SNX3: variants seen among roughly 807,000 people sequenced by gnomAD.
SNX3 encodes the protein sorting nexin-3.
Under a neutral mutation model 17.7 loss-of-function variants are expected in SNX3, and 5 were observed. That is an observed-to-expected ratio of 0.28 (90% CI 0.15 to 0.59). The LOEUF (loss-of-function observed/expected upper bound fraction) is 0.59, where lower values mean the gene tolerates loss of function less well. Among genes scored for constraint, SNX3 ranks in the 20% least tolerant of loss-of-function variants. SNX3 has a pLI of 0.88. For synonymous variants in SNX3, 91 were observed against 76.5 expected, an observed-to-expected ratio of 1.19 and a Z score of -0.99; for missense variants, 132 against 206.8, an observed-to-expected ratio of 0.64 and a Z score of 2.22.
intron 1 of SNX3, among the ~76,000 whole-genome samples, chr6:108,233,224 G>A (rs973344000): frequency 6.6e-6 from 1 of 152,200 alleles, no homozygotes; most frequent in African/African-American, 2.4e-5. Flanking sequence ...GGTTTTCAAT[G>A]AGTAATCTCT....
intron 2 of SNX3, among the ~76,000 whole-genome samples, chr6:108,221,840 T>G (rs1177492309): frequency 1.3e-5 from 2 of 152,226 alleles, no homozygotes; most frequent in African/African-American, 2.4e-5. Flanking sequence ...CCACTGCACC[T>G]GGCCCCTCTT....
chr6:108,212,460 C>T (rs868571701), intron 3 of SNX3, among the ~76,000 whole-genome samples: 2 of 152,014 alleles, frequency 1.3e-5, no homozygotes, highest in African/African-American at 4.8e-5. Context: ...GCCTCAGCCC[C>T]CTGAGTAGCT....
At chr6:108,218,213 G>A (rs1277391292) in intron 2 of SNX3, among the ~76,000 whole-genome samples, 1 of 152,064 alleles carries the variant, frequency 6.6e-6, no homozygotes, top group Non-Finnish European at 1.5e-5. Context: ...TGAACCCATT[G>A]AAAAAGGCAA....
chr6:108,249,784 A>G (rs1775794382), intron 1 of SNX3, among the ~76,000 whole-genome samples: 1 of 152,162 alleles, frequency 6.6e-6, no homozygotes, highest in Admixed American at 6.5e-5. Flanking sequence ...TATTTCATTC[A>G]CCACCCAACA....
At chr6:108,238,101 C>CAAAAAAAAAAAAAAAAAAA (rs11287104) in intron 1 of SNX3, among the ~76,000 whole-genome samples, 4 of 85,430 alleles carry the variant, frequency 4.7e-5, no homozygotes, top group African/African-American at 1.4e-4. Flanking sequence ...GATCCTGTCT[C>CAAAAAAAAAAAAAAAAAAA]AAAAAAAAAA....
intron 2 of SNX3, among the ~76,000 whole-genome samples, chr6:108,216,088 C>T (rs920483246): frequency 2.6e-5 from 4 of 152,076 alleles, no homozygotes; most frequent in African/African-American, 9.7e-5. Context: ...GCATTCTTTT[C>T]TTTCTTGAGA....
At chr6:108,227,640 G>C (rs1319973935) in intron 1 of SNX3, among the ~76,000 whole-genome samples, 2 of 152,150 alleles carry the variant, frequency 1.3e-5, no homozygotes, top group African/African-American at 4.8e-5. Flanking sequence ...AACTGGTTAT[G>C]ATTTCTCTTT....
At chr6:108,252,682 T>G (rs1184733898) in intron 1 of SNX3, among the ~76,000 whole-genome samples, 9 of 143,410 alleles carry the variant, frequency 6.3e-5, no homozygotes, top group African/African-American at 2.3e-4. Context: ...TCTTTTTCTC[T>G]TTTTTTTTGG....
At chr6:108,217,300 T>C (rs940251650) in intron 2 of SNX3, among the ~76,000 whole-genome samples, 1 of 152,044 alleles carries the variant, frequency 6.6e-6, no homozygotes, top group African/African-American at 2.4e-5. Context: ...TCTGTAGAGA[T>C]ACACTCTTCC....
chr6:108,247,448 G>C (rs985241514), intron 1 of SNX3, among the ~76,000 whole-genome samples: 2 of 151,828 alleles, frequency 1.3e-5, no homozygotes, highest in Non-Finnish European at 2.9e-5. Context: ...GCTTAATGTA[G>C]CCTCAACCAC....
rs1026815820 is a variant in SNX3, at chr6:108,211,667, G to A, written c.*482C>T. On this transcript the variant is annotated 3_prime_UTR_variant, in exon 4 of 4. Coordinates refer to ENST00000230085, the MANE Select transcript of SNX3 (RefSeq NM_003795.6). ...GAAGGGTATTACAAGCCTGGAGGAA[G>A]ATACTTTCTGCACACAAGTATGTAT... The A allele has an allele frequency of 1.3e-5, 2 of 152,730 alleles. No individual in the cohort carries two copies. Among genetic ancestry groups the A allele is most frequent in the Admixed American group, 6.5e-5 (1 of 15,284 alleles). 9.5% of individuals were successfully genotyped at this position (152,730 alleles called of 1,614,324 possible).
chr6:108,246,531 T>C (rs1230939005), intron 1 of SNX3, among the ~76,000 whole-genome samples: 2 of 151,442 alleles, frequency 1.3e-5, no homozygotes, highest in Admixed American at 6.6e-5. Context: ...GGTTTCACCA[T>C]GTTGGACAGG....
In SNX3 at chr6:108,212,100, G is replaced by T. The variant is rs1306776346; in HGVS notation, c.*49C>A. 6 of 962,808 alleles carry T rather than the reference G, an allele frequency of 6.2e-6. No homozygotes were observed. The highest frequency in any genetic ancestry group is 8.1e-6 in the Non-Finnish European group (5 of 614,356). 59.6% of individuals were successfully genotyped at this position (962,808 alleles called of 1,614,324 possible). A position where few individuals can be genotyped will look rare whatever the true frequency, so the allele number is the denominator to read the frequency against. On this transcript the variant is annotated 3_prime_UTR_variant, in exon 4 of 4. Coordinates refer to ENST00000230085, the MANE Select transcript of SNX3 (RefSeq NM_003795.6). ...GCTAAAAGTTAGAACTTCTTCACTG[G>T]TGCTTATCAATCATTAATAGTCACG...
intron 1 of SNX3, among the ~76,000 whole-genome samples, chr6:108,235,568 G>A (rs1775302454): frequency 6.6e-6 from 1 of 152,202 alleles, no homozygotes; most frequent in Non-Finnish European, 1.5e-5. Context: ...TGAGAAGACA[G>A]TATTTCATCT....
At chr6:108,222,678 A>G (rs1774833232) in intron 2 of SNX3, among the ~76,000 whole-genome samples, 1 of 152,208 alleles carries the variant, frequency 6.6e-6, no homozygotes, top group Non-Finnish European at 1.5e-5. Context: ...TAGGACGATG[A>G]GGGAAAGGAA....
At chr6:108,244,917 G>A (rs546103185) in intron 1 of SNX3, among the ~76,000 whole-genome samples, 1 of 152,200 alleles carries the variant, frequency 6.6e-6, no homozygotes, top group African/African-American at 2.4e-5. Flanking sequence ...TGGGGTTACA[G>A]GCATGAGCCA....
intron 3 of SNX3, among the ~76,000 whole-genome samples, chr6:108,213,831 A>G (rs2114702473): frequency 6.6e-6 from 1 of 152,272 alleles, no homozygotes; most frequent in African/African-American, 2.4e-5. Flanking sequence ...AGCTCACATT[A>G]CCATATTCTG....
At chr6:108,254,378 T>C (rs1283603531) in intron 1 of SNX3, among the ~76,000 whole-genome samples, 1 of 151,790 alleles carries the variant, frequency 6.6e-6, no homozygotes, top group African/African-American at 2.4e-5. Flanking sequence ...GTTGGGAGGG[T>C]TGCCTGAGCC....
intron 1 of SNX3, among the ~76,000 whole-genome samples, chr6:108,257,592 A>G (rs2114774848): frequency 6.6e-6 from 1 of 152,330 alleles, no homozygotes; most frequent in African/African-American, 2.4e-5. Context: ...AATTACTCTA[A>G]AAAATCATAT....
Sources: allele counts gnomAD v4.1 joint callset (sites outside exome capture counted in the v4.1 genomes callset), GRCh38; gene constraint gnomAD v4.1.1; transcripts MANE v1.5; gene names NCBI Gene and HGNC (gene_info 2026-07-23, HGNC 2026-07-21).